ZCWPW2: variants seen among roughly 807,000 people sequenced by gnomAD.
ZCWPW2 encodes zinc finger CW-type and PWWP domain containing 2.
ZCWPW2 carries 45 observed loss-of-function variants against 46.6 expected under a neutral mutation model. The ratio of observed to expected loss-of-function variants is 0.96; its 90% CI spans 0.76 to 1.24. The LOEUF (loss-of-function observed/expected upper bound fraction) is 1.24. Ranked by LOEUF, ZCWPW2 falls within the 50% of genes most tolerant of loss-of-function variation. The pLI is 0.00. For missense variants in ZCWPW2, 429 were observed against 403.9 expected (o/e 1.06, Z -0.53); for synonymous variants, 152 against 137.1 (o/e 1.11, Z -0.76).
intron 4 of ZCWPW2, among the ~76,000 whole-genome samples, chr3:28,441,662 C>T (rs1271769546): frequency 6.6e-6 from 1 of 152,212 alleles, no homozygotes; most frequent in South Asian, 2.1e-4. Context: ...AGCCACTTCC[C>T]CATGTACCTT....
chr3:28,405,882 T>A (rs955279155), intron 2 of ZCWPW2, among the ~76,000 whole-genome samples: 1 of 152,120 alleles, frequency 6.6e-6, no homozygotes, highest in Non-Finnish European at 1.5e-5. Context: ...GAGGAGAATG[T>A]TGGTAGAAAT....
chr3:28,472,285 G>A (rs1235998952), intron 4 of ZCWPW2, among the ~76,000 whole-genome samples: 2 of 151,950 alleles, frequency 1.3e-5, no homozygotes, highest in African/African-American at 4.8e-5. Context: ...CTAAGCAAAA[G>A]GAACAAAACT....
intron 1 of ZCWPW2, among the ~76,000 whole-genome samples, chr3:28,365,150 A>C (rs1174855681): frequency 6.6e-6 from 1 of 150,648 alleles, no homozygotes; most frequent in African/African-American, 2.4e-5. Context: ...TCTTTAGTTT[A>C]ATTAGATCCC....
chr3:28,413,283 C>G lies in ZCWPW2; in HGVS notation c.215C>G (p.Ser72Ter), dbSNP rs146635200. Residue 72 changes from serine to a stop codon, truncating the protein, a stop_gained, in exon 3 of 10, where the codon TCA becomes TGA. Transcript: ENST00000383768. LOFTEE classifies it high-confidence loss of function. ...MNTDSRYNNC[S>*]ISEEDFPEES... ...ACTGATTCAAGATATAATAACTGCTCAATTTCTGAAGAAGACTTCCCTGAA... is the reference window on the plus strand; with the variant it reads ...ACTGATTCAAGATATAATAACTGCTGAATTTCTGAAGAAGACTTCCCTGAA... 1.2e-6 allele frequency: 2 copies of G among 1,613,186 alleles called. No individual in the cohort carries two copies. The highest frequency in any genetic ancestry group is 2.2e-5 in the East Asian group (1 of 44,818).
At chr3:28,425,973 G>T (rs1266663893) in intron 3 of ZCWPW2, among the ~76,000 whole-genome samples, 1 of 152,096 alleles carries the variant, frequency 6.6e-6, no homozygotes, top group East Asian at 1.9e-4. Context: ...GCTGGGCGTG[G>T]TGGCACATGT....
chr3:28,516,122 C>A (rs1043998368), intron 8 of ZCWPW2, among the ~76,000 whole-genome samples: 30 of 152,006 alleles, frequency 2.0e-4, no homozygotes, highest in Admixed American at 1.9e-3. Flanking sequence ...CACCTGTAAT[C>A]CCAGCTACTC....
At chr3:28,503,738 T>C (rs973582876) in intron 6 of ZCWPW2, among the ~76,000 whole-genome samples, 1 of 151,982 alleles carries the variant, frequency 6.6e-6, no homozygotes, top group Non-Finnish European at 1.5e-5. Context: ...CGGTTTCAAA[T>C]TTATAAGCAT....
At chr3:28,387,670 G>T (rs1687259920) in intron 1 of ZCWPW2, among the ~76,000 whole-genome samples, 1 of 152,050 alleles carries the variant, frequency 6.6e-6, no homozygotes, top group South Asian at 2.1e-4. Flanking sequence ...AATAATTTAA[G>T]AATAAGTTGC....
intron 1 of ZCWPW2, among the ~76,000 whole-genome samples, chr3:28,374,419 G>C (rs761094646): frequency 6.6e-6 from 1 of 152,042 alleles, no homozygotes; most frequent in Non-Finnish European, 1.5e-5. Context: ...GTAATGTGAC[G>C]CTGCCAATTT....
At chr3:28,389,287 A>T (rs1323234754) in intron 1 of ZCWPW2, among the ~76,000 whole-genome samples, 4 of 152,194 alleles carry the variant, frequency 2.6e-5, no homozygotes, top group Admixed American at 2.6e-4. Flanking sequence ...CAGATCACTG[A>T]TGGAGAACTT....
At chr3:28,478,321 G>A in intron 4 of ZCWPW2, 1 of 325,406 alleles carries the variant, frequency 3.1e-6, no homozygotes, top group Non-Finnish European at 6.4e-6. Context: ...TCGCATCACT[G>A]CAGCATCTGC....
intron 6 of ZCWPW2, among the ~76,000 whole-genome samples, chr3:28,500,397 T>A (rs1484331418): frequency 6.6e-6 from 1 of 152,130 alleles, no homozygotes; most frequent in Non-Finnish European, 1.5e-5. Context: ...TATTTCTAAT[T>A]AACTCTATCC....
At chr3:28,446,478 A>G (rs1031839580) in intron 4 of ZCWPW2, among the ~76,000 whole-genome samples, 1 of 152,130 alleles carries the variant, frequency 6.6e-6, no homozygotes, top group Non-Finnish European at 1.5e-5. Context: ...CATCTTAGAG[A>G]AAGTGAAAAC....
intron 4 of ZCWPW2, among the ~76,000 whole-genome samples, chr3:28,457,196 A>C (rs957995051): frequency 3.3e-5 from 5 of 152,158 alleles, no homozygotes; most frequent in Non-Finnish European, 7.4e-5. Flanking sequence ...TAAATTTAGA[A>C]TTATCACTTC....
chr3:28,401,085 A>G (rs1315109433), intron 2 of ZCWPW2, among the ~76,000 whole-genome samples: 1 of 151,986 alleles, frequency 6.6e-6, no homozygotes, highest in Non-Finnish European at 1.5e-5. Flanking sequence ...AGGCTGAGGC[A>G]GGAGAATGGC....
At chr3:28,364,370 A>C (rs1705048407) in intron 1 of ZCWPW2, among the ~76,000 whole-genome samples, 1 of 151,556 alleles carries the variant, frequency 6.6e-6, no homozygotes, top group Non-Finnish European at 1.5e-5. Context: ...GCTGGTGGGC[A>C]TTTATGCCCA....
chr3:28,412,631 T>C (rs894989869), intron 2 of ZCWPW2, among the ~76,000 whole-genome samples: 1 of 151,960 alleles, frequency 6.6e-6, no homozygotes, highest in African/African-American at 2.4e-5. Flanking sequence ...ATGAGCATAA[T>C]AAGGTTGTTG....
intron 6 of ZCWPW2, 131 bp downstream of exon 6, chr3:28,492,304 AG>A: frequency 1.3e-6 from 1 of 758,474 alleles, no homozygotes; most frequent in Non-Finnish European, 2.0e-6. Context: ...ATGTTACTTT[AG>A]TATATGTTTC....
At chr3:28,504,167 A>G (rs554582500) in intron 6 of ZCWPW2, among the ~76,000 whole-genome samples, 2 of 152,232 alleles carry the variant, frequency 1.3e-5, no homozygotes, top group East Asian at 3.9e-4. Flanking sequence ...ACTGCACTCC[A>G]GCCTGGGTGA....
Sources: allele counts gnomAD v4.1 joint callset (sites outside exome capture counted in the v4.1 genomes callset), GRCh38; gene constraint gnomAD v4.1.1; transcripts MANE v1.5; gene names NCBI Gene and HGNC (gene_info 2026-07-23, HGNC 2026-07-21).